PROX1: variants seen among roughly 807,000 people sequenced by gnomAD.
PROX1 encodes prospero homeobox protein 1.
Under a neutral mutation model 58.8 loss-of-function variants are expected in PROX1, and 7 were observed. The ratio of observed to expected loss-of-function variants is 0.12; its 90% CI spans 0.07 to 0.22. The LOEUF (loss-of-function observed/expected upper bound fraction) is 0.22. PROX1 is among the 10% of genes least tolerant of loss of function. The pLI is 1.00. For synonymous variants in PROX1, 350 were observed against 358.3 expected, an observed-to-expected ratio of 0.98 and a Z score of 0.26; for missense variants, 675 against 927.8, an observed-to-expected ratio of 0.73 and a Z score of 3.54.
chr1:213,998,524 A>T (rs917546695), intron 2 of PROX1, among the ~76,000 whole-genome samples: 4 of 152,086 alleles, frequency 2.6e-5, no homozygotes, highest in African/African-American at 9.7e-5. Context: ...CTTTCTCAGC[A>T]GTGTTTTTTT....
intron 1 of PROX1, among the ~76,000 whole-genome samples, chr1:213,990,069 C>T (rs535257621): frequency 1.3e-5 from 2 of 150,194 alleles, no homozygotes; most frequent in South Asian, 4.2e-4. Flanking sequence ...GTGGCCTCCT[C>T]GCAAAGTCAA....
chr1:214,024,541 T>C (rs1664388728), intron 4 of PROX1, among the ~76,000 whole-genome samples: 1 of 152,194 alleles, frequency 6.6e-6, no homozygotes, highest in Non-Finnish European at 1.5e-5. Context: ...AGCGCTTTCT[T>C]TGGTGTTTAC....
intron 4 of PROX1, among the ~76,000 whole-genome samples, chr1:214,015,535 T>C (rs1215065289): frequency 1.3e-5 from 2 of 152,116 alleles, no homozygotes; most frequent in Admixed American, 6.5e-5. Flanking sequence ...CTTTTGTTGT[T>C]TTCCTCACAA....
At chr1:214,004,795 A>C (rs1663648139) in intron 2 of PROX1, among the ~76,000 whole-genome samples, 1 of 152,232 alleles carries the variant, frequency 6.6e-6, no homozygotes, top group African/African-American at 2.4e-5. Flanking sequence ...GAAGAAAAAA[A>C]AACCTCTTAT....
Position 214,041,482 on chromosome 1 carries a change from C to T in PROX1, c.*5648C>T, listed in dbSNP as rs561189452. ...TCTCTGAAACATCTTTCAGGCTTAA[C>T]TTTATTTAGCCCTGAAACTTAAAAA... On this transcript the variant is annotated 3_prime_UTR_variant, in exon 5 of 5. Coordinates refer to ENST00000366958, the MANE Select transcript of PROX1 (RefSeq NM_001270616.2). 1 of 147,848 alleles carries T rather than the reference C, an allele frequency of 6.8e-6. No individual in the cohort carries two copies. Among genetic ancestry groups the T allele is most frequent in the East Asian group, 2.0e-4 (1 of 5,016 alleles). 9.2% of individuals were successfully genotyped at this position (147,848 alleles called of 1,614,324 possible).
intron 4 of PROX1, chr1:214,030,003 G>A (rs371342141): frequency 1.3e-5 from 2 of 152,590 alleles, no homozygotes; most frequent in African/African-American, 4.8e-5. Flanking sequence ...GTTAGGAGGT[G>A]ACAAAACAGT....
intron 4 of PROX1, among the ~76,000 whole-genome samples, chr1:214,020,292 C>T (rs557199559): frequency 6.6e-6 from 1 of 152,240 alleles, no homozygotes; most frequent in African/African-American, 2.4e-5. Flanking sequence ...TTTCTGAAAG[C>T]ACTTTGAAAT....
intron 4 of PROX1, among the ~76,000 whole-genome samples, chr1:214,022,195 T>C (rs2102755840): frequency 6.6e-6 from 1 of 152,364 alleles, no homozygotes; most frequent in African/African-American, 2.4e-5. Context: ...TCTGCTGCTT[T>C]CTAGCAGTGA....
In PROX1 at chr1:213,988,165, C is replaced by G. The variant is rs1219259569; in HGVS notation, c.-386C>G. ...CTCTCTCCTCCTCTCCTGCTCTCTC[C>G]TCTTCCCTTAGCTCCTCTTCTTTTC... On this transcript the variant is annotated 5_prime_UTR_variant, in exon 1 of 5. Transcript: ENST00000366958. 1 of 152,176 alleles carries G rather than the reference C, an allele frequency of 6.6e-6. No individual in the cohort carries two copies. The highest frequency in any genetic ancestry group is 6.6e-5 in the Admixed American group (1 of 15,208). The allele number at this position is 152,176 out of a possible 1,614,324, so 9.4% of individuals were successfully genotyped here. A position where few individuals can be genotyped will look rare whatever the true frequency, so the allele number is the denominator to read the frequency against.
chr1:213,990,091 T>C lies in PROX1; in HGVS notation c.-68+1608T>C, dbSNP rs376572564. Among the ~76,000 whole-genome samples, 75 of 141,386 alleles carry C rather than the reference T, an allele frequency of 5.3e-4. 1 individual carries two copies. In the South Asian group the frequency reaches 0.012, roughly 22 times the overall value. 92.8% of individuals were successfully genotyped at this position (141,386 alleles called of 152,430 possible). On this transcript the variant is annotated intron_variant, in intron 1 of 4. Transcript: ENST00000366958. ...CCTCGCAAAGTCAAGGCTAGAAGAC[T>C]CCCTTCTCCTGTTCTCTTTTCCACT...
intron 4 of PROX1, among the ~76,000 whole-genome samples, chr1:214,032,623 A>G (rs1290953713): frequency 6.6e-6 from 1 of 152,006 alleles, no homozygotes. Context: ...GCTTCCCTTT[A>G]TTAAGTATTG....
In PROX1 at chr1:213,996,474, C is replaced by T. The variant is rs1283161772; in HGVS notation, c.-62C>T. On this transcript the variant is annotated 5_prime_UTR_variant, in exon 2 of 5. Coordinates refer to ENST00000366958, the MANE Select transcript of PROX1 (RefSeq NM_001270616.2). ...CCTTTTGTTCTGTTGGCCAGGGTCC[C>T]GGGATTCTTGAGCTGTGCCCAGCTG... The T allele has an allele frequency of 4.6e-6, 7 of 1,528,970 alleles. No homozygotes were observed. Among genetic ancestry groups the T allele is most frequent in the South Asian group, 1.3e-5 (1 of 77,556 alleles). The allele number at this position is 1,528,970 out of a possible 1,614,324, so 94.7% of individuals were successfully genotyped here.
chr1:214,031,876 GA>G, intron 4 of PROX1, among the ~76,000 whole-genome samples: 1 of 152,300 alleles, frequency 6.6e-6, no homozygotes, highest in East Asian at 1.9e-4. Context: ...AACCCTCTCA[GA>G]AGATCAGTTG....
At position 213,996,600 on chromosome 1, in the gene PROX1, G is replaced by T; in HGVS notation, c.65G>T (p.Gly22Val). Reference protein sequence around the residue: ...RQTKRRRVDIGVKRTVGTASA... With the variant: ...RQTKRRRVDIVVKRTVGTASA... ...ACCAAGAGGAGAAGAGTTGACATTG[G>T]AGTGAAAAGGACGGTAGGGACAGCA... Residue 22 changes from glycine to valine, a missense_variant, in exon 2 of 5, where the codon GGA becomes GTA. By Grantham distance (109) the Gly-to-Val change is moderately radical. This residue lies in a region of PROX1 where 157 missense variants were observed against 197.8 expected (regional missense o/e 0.79). Transcript: ENST00000366958. The T allele has an allele frequency of 6.2e-7, 1 of 1,614,172 alleles. No homozygotes were observed. Among genetic ancestry groups the T allele is most frequent in the Non-Finnish European group, 8.5e-7 (1 of 1,180,040 alleles).
At chr1:214,012,437 C>G (rs2102733379) in intron 4 of PROX1, among the ~76,000 whole-genome samples, 1 of 152,312 alleles carries the variant, frequency 6.6e-6, no homozygotes, top group Non-Finnish European at 1.5e-5. Context: ...TCCCAGAAAG[C>G]AATATCCATG....
chr1:214,000,646 A>T (rs1663472949), intron 2 of PROX1, among the ~76,000 whole-genome samples: 1 of 152,080 alleles, frequency 6.6e-6, no homozygotes, highest in African/African-American at 2.4e-5. Flanking sequence ...CTATTAATAC[A>T]TTGCACTTTT....
intron 1 of PROX1, 66 bp from the exon 2 acceptor site, chr1:213,996,403 T>G: frequency 1.8e-6 from 2 of 1,081,874 alleles, no homozygotes; most frequent in Non-Finnish European, 2.6e-6. Context: ...GATTCAGGAT[T>G]GAGGTCAGGA....
At chr1:214,034,209 G>A (rs1301439961) in intron 4 of PROX1, among the ~76,000 whole-genome samples, 4 of 152,112 alleles carry the variant, frequency 2.6e-5, no homozygotes, top group East Asian at 1.9e-4. Context: ...CAGTGATGTC[G>A]GGTGATGATT....
rs1019701273 is a variant in PROX1, at chr1:213,995,948, G to A, written c.-67-521G>A. 3.9e-5 allele frequency among the ~76,000 whole-genome samples: 6 copies of A among 152,000 alleles called. No homozygotes were observed. The South Asian group carries it at 6.2e-4, about 16-fold the overall frequency. On this transcript the variant is annotated intron_variant, in intron 1 of 4. Coordinates refer to ENST00000366958, the MANE Select transcript of PROX1 (RefSeq NM_001270616.2). Reference sequence around the variant, plus strand: ...AATATTGTAAAATTCAAGAATAAAAGCTCTCTATTATATATTTGCATTTAT... The same window carrying A: ...AATATTGTAAAATTCAAGAATAAAAACTCTCTATTATATATTTGCATTTAT...
Sources: gnomAD v4.1 joint callset for allele counts (sites outside exome capture counted in the v4.1 genomes callset) on GRCh38, gnomAD v4.1.1 for gene constraint, gnomAD v4.1.1 regional missense constraint, MANE v1.5 for transcripts, NCBI Gene and HGNC (gene_info 2026-07-23, HGNC 2026-07-21) for gene names.